The following LIMCH1 variants were observed in gnomAD, a reference collection of about 807,000 sequenced individuals.
LIMCH1 encodes LIM and calponin homology domains 1, also known as LIM and calponin homology domains-containing protein 1.
Under a neutral mutation model 176.5 loss-of-function variants are expected in LIMCH1, and 113 were observed. The ratio of observed to expected loss-of-function variants is 0.64; its 90% CI spans 0.55 to 0.75. LIMCH1 has a LOEUF of 0.75. LIMCH1 is among the 30% of genes least tolerant of loss of function. The pLI, the probability that LIMCH1 is intolerant of heterozygous loss-of-function variation, is 0.00. For missense variants in LIMCH1, 1,674 were observed against 1,814.9 expected (o/e 0.92, Z 1.41); for synonymous variants, 619 against 645.9 (o/e 0.96, Z 0.63).
chr4:41,528,408 G>A (rs1202566169), intron 3 of LIMCH1, among the ~76,000 whole-genome samples: 1 of 152,146 alleles, frequency 6.6e-6, no homozygotes. Flanking sequence ...GGGAGACATA[G>A]GAAACCTCAA....
At chr4:41,638,991 AT>A in intron 14 of LIMCH1, 24 bp downstream of exon 14, 1 of 1,539,448 alleles carries the variant, frequency 6.5e-7, no homozygotes, top group Non-Finnish European at 8.8e-7. Context: ...TATTTGTAGG[AT>A]TACATTAATT....
upstream of LIMCH1, among the ~76,000 whole-genome samples, chr4:41,537,187 A>G (rs891781005): frequency 2.0e-5 from 3 of 152,224 alleles, no homozygotes; most frequent in Non-Finnish European, 2.9e-5. Context: ...ATGGCAGGAT[A>G]CCAGTGAGTC....
chr4:41,673,933 T>C (rs2095133711), intron 22 of LIMCH1, among the ~76,000 whole-genome samples: 1 of 152,168 alleles, frequency 6.6e-6, no homozygotes, highest in South Asian at 2.1e-4. Flanking sequence ...TATTGGTCAC[T>C]TTTCCACTCC....
intron 8 of LIMCH1, 92 bp from the exon 9 acceptor site, chr4:41,629,399 CT>C: frequency 7.1e-7 from 1 of 1,410,450 alleles, no homozygotes; most frequent in Non-Finnish European, 9.5e-7. Flanking sequence ...TGTCCTCAGC[CT>C]GTGAGTTTCC....
chr4:41,677,159 T>TAA (rs749513054), intron 23 of LIMCH1, among the ~76,000 whole-genome samples: 1 of 118,900 alleles, frequency 8.4e-6, no homozygotes. Flanking sequence ...TGAGAATGTC[T>TAA]AAAAAAAAAA....
chr4:41,521,916 T>G (rs1384584347), intron 2 of LIMCH1, among the ~76,000 whole-genome samples: 2 of 152,124 alleles, frequency 1.3e-5, no homozygotes, highest in African/African-American at 4.8e-5. Flanking sequence ...CCATGAAATA[T>G]TAAAAACAGC....
At chr4:41,408,106 G>C (rs2059152348) in intron 1 of LIMCH1, among the ~76,000 whole-genome samples, 1 of 152,136 alleles carries the variant, frequency 6.6e-6, no homozygotes, top group Non-Finnish European at 1.5e-5. Flanking sequence ...AATGAATGAG[G>C]AATGAGTATC....
At chr4:41,477,599 G>A (rs956066869) in intron 1 of LIMCH1, among the ~76,000 whole-genome samples, 4 of 152,206 alleles carry the variant, frequency 2.6e-5, no homozygotes, top group Admixed American at 6.5e-5. Context: ...AGAAAATGAA[G>A]CAATTTGCTG....
intron 22 of LIMCH1, among the ~76,000 whole-genome samples, chr4:41,673,546 G>A (rs2095120978): frequency 6.6e-6 from 1 of 152,198 alleles, no homozygotes; most frequent in Admixed American, 6.5e-5. Context: ...AGCGCTTCAA[G>A]AGGAGATAAG....
At chr4:41,423,312 A>G (rs1259957551) in intron 1 of LIMCH1, among the ~76,000 whole-genome samples, 1 of 152,214 alleles carries the variant, frequency 6.6e-6, no homozygotes, top group African/African-American at 2.4e-5. Context: ...CCACAAATGG[A>G]AAGATTTGAA....
chr4:41,398,398 C>G (rs1230994580), intron 1 of LIMCH1, among the ~76,000 whole-genome samples: 1 of 152,052 alleles, frequency 6.6e-6, no homozygotes, highest in African/African-American at 2.4e-5. Flanking sequence ...ACTTTTCCGT[C>G]ATCCAACTGA....
intron 1 of LIMCH1, among the ~76,000 whole-genome samples, chr4:41,467,511 T>C (rs2066326226): frequency 6.6e-6 from 1 of 152,044 alleles, no homozygotes; most frequent in South Asian, 2.1e-4. Context: ...GCAGGGGAAC[T>C]CCCCTTTATA....
At chr4:41,570,559 A>G (rs2083405386) in intron 1 of LIMCH1, among the ~76,000 whole-genome samples, 1 of 152,204 alleles carries the variant, frequency 6.6e-6, no homozygotes, top group South Asian at 2.1e-4. Flanking sequence ...GGAAGAATGA[A>G]TCCTGGTTTG....
chr4:41,578,358 C>T (rs1436844641), intron 1 of LIMCH1, among the ~76,000 whole-genome samples: 2 of 152,190 alleles, frequency 1.3e-5, no homozygotes, highest in Non-Finnish European at 2.9e-5. Flanking sequence ...GAGCCGATCA[C>T]CTCTCACCTG....
chr4:41,606,752 T>C (rs1458477447), intron 4 of LIMCH1, among the ~76,000 whole-genome samples: 1 of 152,144 alleles, frequency 6.6e-6, no homozygotes, highest in African/African-American at 2.4e-5. Context: ...CAACCCGCCT[T>C]AGTGTACAGG....
At chr4:41,659,828 A>T (rs777425887) in intron 18 of LIMCH1, among the ~76,000 whole-genome samples, 1 of 152,142 alleles carries the variant, frequency 6.6e-6, no homozygotes, top group Non-Finnish European at 1.5e-5. Context: ...TTAACATTTT[A>T]TTTATTTTTA....
chr4:41,555,617 G>A (rs1434839220), intron 1 of LIMCH1, among the ~76,000 whole-genome samples: 1 of 152,172 alleles, frequency 6.6e-6, no homozygotes, highest in Non-Finnish European at 1.5e-5. Context: ...CCCTTGAGGA[G>A]CTTATCTTCT....
intron 1 of LIMCH1, among the ~76,000 whole-genome samples, chr4:41,477,038 A>C (rs551473433): frequency 6.6e-6 from 1 of 152,262 alleles, no homozygotes; most frequent in South Asian, 2.1e-4. Flanking sequence ...AACTCAACTG[A>C]TAATAGGGGG....
At chr4:41,367,945 G>A (rs1442276942) in intron 1 of LIMCH1, among the ~76,000 whole-genome samples, 1 of 149,962 alleles carries the variant, frequency 6.7e-6, no homozygotes, top group Non-Finnish European at 1.5e-5. Flanking sequence ...ACTGAAAACT[G>A]TTAAAAAAAA....
Sources: gnomAD v4.1 joint callset for allele counts (sites outside exome capture counted in the v4.1 genomes callset) on GRCh38, gnomAD v4.1.1 for gene constraint, MANE v1.5 for transcripts, NCBI Gene and HGNC (gene_info 2026-07-23, HGNC 2026-07-21) for gene names.